Variants in PTPRK observed in about 807,000 individuals in gnomAD.
PTPRK encodes the protein receptor-type tyrosine-protein phosphatase kappa.
Under a neutral mutation model 178.0 loss-of-function variants are expected in PTPRK, and 75 were observed. The ratio of observed to expected loss-of-function variants is 0.42; its 90% CI spans 0.35 to 0.51. The LOEUF (loss-of-function observed/expected upper bound fraction) is 0.51. Among genes scored for constraint, PTPRK ranks in the 20% least tolerant of loss-of-function variants. The pLI is 0.02. For missense variants in PTPRK, 1,441 were observed against 1,797.8 expected (o/e 0.80, Z 3.59); for synonymous variants, 637 against 620.6 (o/e 1.03, Z -0.39).
At chr6:128,235,120 A>AC (rs988951395) in intron 5 of PTPRK, among the ~76,000 whole-genome samples, 14 of 152,294 alleles carry the variant, frequency 9.2e-5, no homozygotes, top group African/African-American at 3.1e-4. Context: ...TATCACATGT[A>AC]CCCCATAAAT....
chr6:128,058,570 G>A (rs906475326), intron 13 of PTPRK, among the ~76,000 whole-genome samples: 1 of 151,974 alleles, frequency 6.6e-6, no homozygotes, highest in African/African-American at 2.4e-5. Flanking sequence ...TTTATTACAA[G>A]TATCTTTTCT....
In PTPRK at chr6:127,982,830, C is replaced by A; in HGVS notation, c.3537+1G>T. 1 of 1,604,852 alleles carries A rather than the reference C, an allele frequency of 6.2e-7. No homozygotes were observed. Among genetic ancestry groups the A allele is most frequent in the Non-Finnish European group, 8.5e-7 (1 of 1,175,088 alleles). On this transcript the variant is annotated splice_donor_variant, in intron 24 of 29. Transcript: ENST00000368226. LOFTEE classifies it high-confidence loss of function. ...AAAGAGGTTTTAGAAATAGTTAATA[C>A]CTGAAATTCATCCTTGAGATGTGAA...
chr6:128,012,685 A>C (rs1427777216), intron 13 of PTPRK, among the ~76,000 whole-genome samples: 1 of 151,330 alleles, frequency 6.6e-6, no homozygotes, highest in Non-Finnish European at 1.5e-5. Context: ...GACTTGATCA[A>C]TTGTGTCCTT....
intron 3 of PTPRK, among the ~76,000 whole-genome samples, chr6:128,261,387 G>T (rs1237233014): frequency 6.6e-6 from 1 of 152,128 alleles, no homozygotes; most frequent in Non-Finnish European, 1.5e-5. Context: ...TAGCACTTAA[G>T]ATATTTTATT....
At chr6:128,380,553 C>CACGT (rs1554246047) in intron 2 of PTPRK, among the ~76,000 whole-genome samples, 3,289 of 146,192 alleles carry the variant, frequency 0.022, 53 homozygotes, top group African/African-American at 0.041. Flanking sequence ...CACACACACA[C>CACGT]GTGTGTGTGT....
At chr6:128,174,202 A>C (rs1800713046) in intron 7 of PTPRK, among the ~76,000 whole-genome samples, 1 of 152,018 alleles carries the variant, frequency 6.6e-6, no homozygotes, top group African/African-American at 2.4e-5. Context: ...TGGTCTTCTT[A>C]TGTCTCATAC....
Position 128,380,617 on chromosome 6 carries a change from C to A in PTPRK, c.223+16949G>T, listed in dbSNP as rs189114781. 2.0e-3 allele frequency among the ~76,000 whole-genome samples: 298 copies of A among 151,772 alleles called. 1 individual carries two copies. Among genetic ancestry groups the A allele is most frequent in the African/African-American group, 7.0e-3 (290 of 41,386 alleles). On this transcript the variant is annotated intron_variant, in intron 2 of 29. Coordinates refer to ENST00000368226, the MANE Select transcript of PTPRK (RefSeq NM_002844.4). Reference sequence around the variant, plus strand: ...TTAAAGGGTTTATAAACCCCGTAAACACATCCATGGAGCTGCAGGTTTAAA... The same window carrying A: ...TTAAAGGGTTTATAAACCCCGTAAAAACATCCATGGAGCTGCAGGTTTAAA...
chr6:128,179,909 G>T (rs138982950), intron 7 of PTPRK, among the ~76,000 whole-genome samples: 1 of 152,042 alleles, frequency 6.6e-6, no homozygotes, highest in East Asian at 1.9e-4. Context: ...TTTAGTAAAT[G>T]CTTACTTTTA....
At chr6:127,975,246 C>T (rs1245226914) in intron 27 of PTPRK, among the ~76,000 whole-genome samples, 1 of 152,174 alleles carries the variant, frequency 6.6e-6, no homozygotes, top group East Asian at 1.9e-4. Flanking sequence ...ACAGACAAGC[C>T]TTACTGTCTT....
rs566605806 is a variant in PTPRK, at chr6:128,369,023, T to G, written c.223+28543A>C. On this transcript the variant is annotated intron_variant, in intron 2 of 29. Coordinates refer to ENST00000368226, the MANE Select transcript of PTPRK (RefSeq NM_002844.4). ...GAGCTAAACTACATAGTTGACTTAA[T>G]TCACGTTCTTTTAAAGAGCCTTGGC... is the stretch of plus-strand genomic sequence containing the variant. 3.3e-5 allele frequency among the ~76,000 whole-genome samples: 5 copies of G among 152,218 alleles called. No homozygotes were observed. In the East Asian group the frequency reaches 9.6e-4, roughly 29 times the overall value.
At position 127,973,843 on chromosome 6, in the gene PTPRK, T is replaced by A; in HGVS notation, c.3970-16A>T. On this transcript the variant is annotated splice_polypyrimidine_tract_variant and intron_variant, in intron 27 of 29. Transcript: ENST00000368226. ...CTTCCTGTGGCTGTAGAGGGAAGTG[T>A]TTTTATGTAAATACGCTGGGACTAC... The A allele has an allele frequency of 6.2e-7, 1 of 1,603,390 alleles. No individual in the cohort carries two copies. The highest frequency in any genetic ancestry group is 8.5e-7 in the Non-Finnish European group (1 of 1,172,900).
At chr6:128,041,468 C>T (rs1400873000) in intron 13 of PTPRK, among the ~76,000 whole-genome samples, 2 of 151,990 alleles carry the variant, frequency 1.3e-5, no homozygotes, top group Non-Finnish European at 2.9e-5. Flanking sequence ...TAACACTCTG[C>T]AAATGTGCTT....
chr6:128,201,266 A>G (rs954352979), intron 6 of PTPRK, among the ~76,000 whole-genome samples: 1 of 152,208 alleles, frequency 6.6e-6, no homozygotes, highest in Non-Finnish European at 1.5e-5. Context: ...TCCAAGAAAA[A>G]TGTTCAGGGA....
intron 27 of PTPRK, 44 bp downstream of exon 27, chr6:127,976,613 C>A (rs1247325814): frequency 1.2e-6 from 2 of 1,609,618 alleles, no homozygotes; most frequent in Non-Finnish European, 1.7e-6. Context: ...TTGGTTATGA[C>A]TGACCTATTC....
intron 1 of PTPRK, among the ~76,000 whole-genome samples, chr6:128,438,293 A>G (rs1264724024): frequency 6.6e-6 from 1 of 152,238 alleles, no homozygotes; most frequent in African/African-American, 2.4e-5. Flanking sequence ...TTTTGAATGG[A>G]TGCCAACCCT....
At chr6:128,066,926 C>T (rs942161443) in intron 12 of PTPRK, among the ~76,000 whole-genome samples, 2 of 152,064 alleles carry the variant, frequency 1.3e-5, no homozygotes, top group African/African-American at 4.8e-5. Context: ...GGAGGGGCAA[C>T]CAGGGAAACA....
At chr6:128,102,347 G>A (rs1447599988) in intron 7 of PTPRK, among the ~76,000 whole-genome samples, 2 of 152,238 alleles carry the variant, frequency 1.3e-5, no homozygotes, top group African/African-American at 4.8e-5. Context: ...CCACAGGCAG[G>A]TAAATTTATT....
At chr6:128,372,297 A>AT (rs1425056709) in intron 2 of PTPRK, among the ~76,000 whole-genome samples, 2 of 152,240 alleles carry the variant, frequency 1.3e-5, no homozygotes, top group African/African-American at 4.8e-5. Context: ...GGAAATGGTG[A>AT]TAAAAATAAA....
chr6:128,045,868 T>C (rs1320144515), intron 13 of PTPRK, among the ~76,000 whole-genome samples: 1 of 152,106 alleles, frequency 6.6e-6, no homozygotes, highest in Non-Finnish European at 1.5e-5. Flanking sequence ...AATTAACAAT[T>C]TGACCACTCG....
Sources: gnomAD v4.1 joint callset for allele counts (sites outside exome capture counted in the v4.1 genomes callset) on GRCh38, gnomAD v4.1.1 for gene constraint, MANE v1.5 for transcripts, NCBI Gene and HGNC (gene_info 2026-07-23, HGNC 2026-07-21) for gene names.